The following FAM13A variants were observed in gnomAD, a reference collection of about 807,000 sequenced individuals.
FAM13A encodes the protein protein FAM13A.
A neutral mutation model predicts 129.6 loss-of-function variants in FAM13A; 76 were observed. The observed-to-expected ratio is 0.59, with a 90% CI of 0.49 to 0.71. The LOEUF is 0.71. Among genes scored for constraint, FAM13A ranks in the 30% least tolerant of loss-of-function variants. The probability of loss-of-function intolerance (pLI) is 0.00; values close to 1 mark genes in which losing one functional copy is unlikely to be tolerated. For synonymous variants in FAM13A, 443 were observed against 449.9 expected, an observed-to-expected ratio of 0.98 and a Z score of 0.20; for missense variants, 1,108 against 1,249.3, an observed-to-expected ratio of 0.89 and a Z score of 1.70.
At chr4:88,748,443 T>TA (rs751094291) in intron 17 of FAM13A, among the ~76,000 whole-genome samples, 18 of 152,214 alleles carry the variant, frequency 1.2e-4, no homozygotes, top group Non-Finnish European at 2.6e-4. Flanking sequence ...CTTCAGTGGT[T>TA]AAAGGTATTT....
intron 5 of FAM13A, among the ~76,000 whole-genome samples, chr4:88,913,501 A>T (rs1749532700): frequency 1.3e-5 from 2 of 149,238 alleles, no homozygotes; most frequent in South Asian, 4.4e-4. Context: ...GAGGAGGAAG[A>T]GGAAGAGGAA....
chr4:88,831,466 A>G (rs1733874149), intron 7 of FAM13A, among the ~76,000 whole-genome samples: 1 of 152,230 alleles, frequency 6.6e-6, no homozygotes, highest in African/African-American at 2.4e-5. Context: ...AACATAAAAT[A>G]AACTCGTCAT....
At chr4:88,757,607 G>T (rs940726899) in intron 14 of FAM13A, among the ~76,000 whole-genome samples, 7 of 152,124 alleles carry the variant, frequency 4.6e-5, no homozygotes, top group African/African-American at 1.7e-4. Flanking sequence ...ATTTTGAGCT[G>T]AAAATATCTG....
chr4:88,830,922 A>G (rs1733789562), intron 7 of FAM13A, among the ~76,000 whole-genome samples: 1 of 152,248 alleles, frequency 6.6e-6, no homozygotes, highest in African/African-American at 2.4e-5. Context: ...TTTCAAATCA[A>G]AAGACAAGCA....
intron 6 of FAM13A, among the ~76,000 whole-genome samples, chr4:88,873,876 T>G (rs903550222): frequency 3.9e-5 from 6 of 152,124 alleles, no homozygotes; most frequent in Non-Finnish European, 5.9e-5. Context: ...TGAACATTGA[T>G]GCAAAAATCC....
At chr4:89,013,326 G>GTATATATATATATATA (rs146908296) in intron 3 of FAM13A, among the ~76,000 whole-genome samples, 4 of 148,420 alleles carry the variant, frequency 2.7e-5, no homozygotes, top group African/African-American at 9.9e-5. Context: ...ATATAACACA[G>GTATATATATATATATA]TATATATACA....
chr4:88,928,868 T>C (rs1752615346), intron 5 of FAM13A, among the ~76,000 whole-genome samples: 3 of 152,174 alleles, frequency 2.0e-5, no homozygotes, highest in Admixed American at 1.3e-4. Flanking sequence ...CAAATTGTTT[T>C]ATAAATTCTT....
At chr4:88,897,487 C>T (rs942144749) in intron 6 of FAM13A, among the ~76,000 whole-genome samples, 2 of 152,312 alleles carry the variant, frequency 1.3e-5, no homozygotes, top group African/African-American at 4.8e-5. Flanking sequence ...AGGGAACACA[C>T]GTACAGACAG....
intron 14 of FAM13A, among the ~76,000 whole-genome samples, chr4:88,754,046 C>T (rs533612819): frequency 2.0e-5 from 3 of 152,212 alleles, no homozygotes; most frequent in Admixed American, 6.5e-5. Context: ...AGGCTTCACA[C>T]TGGACTGTCT....
At chr4:88,972,794 A>C (rs1760313695) in intron 4 of FAM13A, among the ~76,000 whole-genome samples, 2 of 151,930 alleles carry the variant, frequency 1.3e-5, no homozygotes, top group East Asian at 3.9e-4. Context: ...TTTTGGTAGA[A>C]ATGGGGTTTC....
intron 6 of FAM13A, among the ~76,000 whole-genome samples, chr4:88,894,937 T>C (rs1004616343): frequency 6.6e-6 from 1 of 152,204 alleles, no homozygotes; most frequent in African/African-American, 2.4e-5. Context: ...CCATAGGTAA[T>C]AAAATCTAAG....
At chr4:88,935,841 CT>C (rs1753763748) in intron 5 of FAM13A, among the ~76,000 whole-genome samples, 2 of 152,106 alleles carry the variant, frequency 1.3e-5, no homozygotes, top group Non-Finnish European at 2.9e-5. Context: ...CTATTTCATC[CT>C]TACTCGTTAC....
chr4:88,928,175 T>C (rs558799053), intron 5 of FAM13A, among the ~76,000 whole-genome samples: 1 of 152,274 alleles, frequency 6.6e-6, no homozygotes, highest in South Asian at 2.1e-4. Flanking sequence ...TTCTAGTTTT[T>C]ATTCCACTGT....
chr4:88,816,600 C>T (rs1730780285), intron 7 of FAM13A, among the ~76,000 whole-genome samples: 1 of 152,164 alleles, frequency 6.6e-6, no homozygotes. Context: ...GTCAGGAGTT[C>T]AGTTTCCTCT....
chr4:88,782,809 G>A (rs2149627856), intron 10 of FAM13A, among the ~76,000 whole-genome samples: 1 of 152,284 alleles, frequency 6.6e-6, no homozygotes, highest in South Asian at 2.1e-4. Context: ...TTATACTCAT[G>A]CACATGTTCC....
At chr4:88,999,487 T>C (rs1198364868) in intron 3 of FAM13A, among the ~76,000 whole-genome samples, 3 of 152,280 alleles carry the variant, frequency 2.0e-5, no homozygotes, top group African/African-American at 7.2e-5. Context: ...ATTGGCAGTA[T>C]CTCAGCTAAT....
chr4:88,861,521 C>G (rs997823647), intron 6 of FAM13A, among the ~76,000 whole-genome samples: 1 of 151,652 alleles, frequency 6.6e-6, no homozygotes, highest in African/African-American at 2.4e-5. Context: ...GACTGTGGAA[C>G]TTGGGAAGAC....
At chr4:88,945,990 G>GTATGTATGTGTGTATATA (rs1553901196) in intron 4 of FAM13A, among the ~76,000 whole-genome samples, 2 of 61,966 alleles carry the variant, frequency 3.2e-5, no homozygotes, top group African/African-American at 1.7e-4. Flanking sequence ...GTGTGTGTGT[G>GTATGTATGTGTGTATATA]TATATATATA....
chr4:88,984,088 G>T (rs1277204128), intron 4 of FAM13A, among the ~76,000 whole-genome samples: 1 of 152,046 alleles, frequency 6.6e-6, no homozygotes, highest in Non-Finnish European at 1.5e-5. Context: ...TGGGACAACT[G>T]GACAGCCACA....
Sources: gnomAD v4.1 joint callset for allele counts (sites outside exome capture counted in the v4.1 genomes callset) on GRCh38, gnomAD v4.1.1 for gene constraint, MANE v1.5 for transcripts, NCBI Gene and HGNC (gene_info 2026-07-23, HGNC 2026-07-21) for gene names.